Variants in ADCK1 observed in about 807,000 individuals in gnomAD.
ADCK1 encodes the protein aarF domain containing kinase 1.
A neutral mutation model predicts 52.3 loss-of-function variants in ADCK1; 41 were observed. The observed-to-expected ratio is 0.78, with a 90% CI of 0.61 to 1.02. ADCK1 has a LOEUF of 1.02. ADCK1 is among the 50% of genes least tolerant of loss of function. The pLI, the probability that ADCK1 is intolerant of heterozygous loss-of-function variation, is 0.00. For missense variants in ADCK1, 658 were observed against 679.5 expected (o/e 0.97, Z 0.35); for synonymous variants, 250 against 274.6 (o/e 0.91, Z 0.89).
chr14:77,871,714 A>C (rs190499854), intron 4 of ADCK1, among the ~76,000 whole-genome samples: 10 of 152,300 alleles, frequency 6.6e-5, no homozygotes, highest in African/African-American at 2.2e-4. Flanking sequence ...GCACAGATGC[A>C]AATCCTGGGG....
intron 4 of ADCK1, among the ~76,000 whole-genome samples, chr14:77,885,997 AAAG>A (rs2083138179): frequency 6.6e-6 from 1 of 152,200 alleles, no homozygotes; most frequent in South Asian, 2.1e-4. Context: ...GGGAAGGAAG[AAAG>A]AAGAAGGAAG....
chr14:77,883,079 T>G (rs556634799), intron 4 of ADCK1, among the ~76,000 whole-genome samples: 1 of 151,614 alleles, frequency 6.6e-6, no homozygotes, highest in East Asian at 1.9e-4. Flanking sequence ...TTTTTCTGAT[T>G]ATTTTTCCTT....
At chr14:77,819,352 T>C (rs1189616792) in intron 2 of ADCK1, among the ~76,000 whole-genome samples, 5 of 152,232 alleles carry the variant, frequency 3.3e-5, no homozygotes, top group Admixed American at 6.5e-5. Context: ...CCTGTGATCC[T>C]GAGGTAACAT....
At chr14:77,864,040 G>A (rs2082610429) in intron 4 of ADCK1, among the ~76,000 whole-genome samples, 1 of 152,018 alleles carries the variant, frequency 6.6e-6, no homozygotes, top group Non-Finnish European at 1.5e-5. Context: ...TCTGAAATTT[G>A]TTTTTATCAG....
intron 5 of ADCK1, among the ~76,000 whole-genome samples, chr14:77,898,404 G>A (rs1037440848): frequency 1.3e-5 from 2 of 152,186 alleles, no homozygotes; most frequent in African/African-American, 4.8e-5. Flanking sequence ...GCCCATCAAT[G>A]GGAGACTGGA....
intron 7 of ADCK1, among the ~76,000 whole-genome samples, chr14:77,913,111 G>A (rs535689507): frequency 6.6e-6 from 1 of 152,142 alleles, no homozygotes. Flanking sequence ...GAATCACCAG[G>A]GGAGCTTATT....
At chr14:77,822,559 G>GGATA (rs772135648) in intron 3 of ADCK1, 41 bp downstream of exon 3, 2 of 1,526,094 alleles carry the variant, frequency 1.3e-6, no homozygotes, top group Non-Finnish European at 1.8e-6. Context: ...GGCCAGGACT[G>GGATA]GATAACCCTT....
Position 77,933,620 on chromosome 14 carries a change from T to C in ADCK1, c.*229T>C, listed in dbSNP as rs531385944. 717 of 525,414 alleles carry C rather than the reference T, an allele frequency of 1.4e-3. 1 individual carries two copies. Among genetic ancestry groups the C allele is most frequent in the Non-Finnish European group, 1.8e-3 (532 of 297,180 alleles). The allele number at this position is 525,414 out of a possible 1,614,324, so 32.5% of individuals were successfully genotyped here. ...GCTCTCTCTTCTTCTCCAAGAAGACTCAGCAGCCTACATTCCCATTCCTGG... is the reference window on the plus strand; with the variant it reads ...GCTCTCTCTTCTTCTCCAAGAAGACCCAGCAGCCTACATTCCCATTCCTGG... On this transcript the variant is annotated 3_prime_UTR_variant, in exon 11 of 11. Transcript: ENST00000238561.
intron 3 of ADCK1, 84 bp downstream of exon 3, chr14:77,822,602 AC>A (rs2081606833): frequency 1.7e-6 from 2 of 1,190,132 alleles, no homozygotes; most frequent in Non-Finnish European, 2.5e-6. Context: ...CTCCCACCTC[AC>A]CCCCGCAAAG....
chr14:77,888,431 A>C lies in ADCK1; in HGVS notation c.582+1182A>C, dbSNP rs577815286. Among the ~76,000 whole-genome samples, 17 of 152,212 alleles carry C rather than the reference A, an allele frequency of 1.1e-4. No individual in the cohort carries two copies. In the East Asian group the frequency reaches 2.3e-3, roughly 21 times the overall value. On this transcript the variant is annotated intron_variant, in intron 5 of 10. Transcript: ENST00000238561. ...TGAGCAGATCTGATTTTTTTCCTGT[A>C]GTCAGTGGGGAACCATTTAAGAATT... is the stretch of plus-strand genomic sequence containing the variant.
intron 3 of ADCK1, among the ~76,000 whole-genome samples, chr14:77,851,274 C>T (rs886910548): frequency 1.2e-4 from 18 of 151,944 alleles, no homozygotes; most frequent in East Asian, 5.8e-4. Context: ...CGTGCCACCA[C>T]GCCTGGCTAA....
intron 3 of ADCK1, among the ~76,000 whole-genome samples, chr14:77,852,156 G>A (rs891902948): frequency 5.3e-5 from 8 of 151,950 alleles, no homozygotes; most frequent in East Asian, 1.9e-4. Context: ...GCGCCACCAC[G>A]CCTGGCTAAT....
At chr14:77,925,265 C>T (rs921561466) in intron 8 of ADCK1, among the ~76,000 whole-genome samples, 1 of 152,230 alleles carries the variant, frequency 6.6e-6, no homozygotes, top group African/African-American at 2.4e-5. Flanking sequence ...GGCCCAGATA[C>T]AGCAGGAGCT....
At chr14:77,908,130 T>C (rs1177231832) in intron 7 of ADCK1, 5 of 450,422 alleles carry the variant, frequency 1.1e-5, no homozygotes, top group Non-Finnish European at 2.0e-5. Flanking sequence ...TGCAGGGACA[T>C]GCTGAACCCC....
At chr14:77,823,751 T>C (rs1408234889) in intron 3 of ADCK1, among the ~76,000 whole-genome samples, 1 of 151,968 alleles carries the variant, frequency 6.6e-6, no homozygotes, top group Non-Finnish European at 1.5e-5. Flanking sequence ...TTTTGTGTTT[T>C]TAGTAGAAGC....
At chr14:77,894,232 A>G (rs1367049798) in intron 5 of ADCK1, among the ~76,000 whole-genome samples, 1 of 152,232 alleles carries the variant, frequency 6.6e-6, no homozygotes, top group Non-Finnish European at 1.5e-5. Flanking sequence ...ACTTATCAGA[A>G]CAAAGATAAA....
intron 3 of ADCK1, among the ~76,000 whole-genome samples, chr14:77,835,810 A>G (rs370649525): frequency 7.9e-5 from 12 of 152,150 alleles, no homozygotes; most frequent in African/African-American, 2.7e-4. Flanking sequence ...TAATTTTTGT[A>G]TTTTTTGTAG....
intron 3 of ADCK1, among the ~76,000 whole-genome samples, chr14:77,847,340 G>A (rs144682970): frequency 0.036 from 5,485 of 152,266 alleles, 145 homozygotes; most frequent in South Asian, 0.065. Context: ...GGAGGCTGAG[G>A]TGGGTGGATC....
chr14:77,825,029 T>C (rs558269039), intron 3 of ADCK1, among the ~76,000 whole-genome samples: 3 of 152,376 alleles, frequency 2.0e-5, no homozygotes, highest in Admixed American at 1.3e-4. Context: ...CCTACCCTTG[T>C]TCCTCAGGTA....
Sources: gnomAD v4.1 joint callset for allele counts (sites outside exome capture counted in the v4.1 genomes callset) on GRCh38, gnomAD v4.1.1 for gene constraint, MANE v1.5 for transcripts, NCBI Gene and HGNC (gene_info 2026-07-23, HGNC 2026-07-21) for gene names.